Variants in AXDND1 observed in about 807,000 individuals in gnomAD.
AXDND1 encodes the protein axonemal dynein light chain domain containing 1, also known as axonemal dynein light chain domain-containing protein 1.
AXDND1 carries 110 observed loss-of-function variants against 137.5 expected under a neutral mutation model. That is an observed-to-expected ratio of 0.80 (90% CI 0.69 to 0.94). The LOEUF is 0.94. AXDND1 is among the 40% of genes least tolerant of loss of function. AXDND1 has a pLI of 0.00. For synonymous variants in AXDND1, 414 were observed against 399.7 expected (o/e 1.04, Z -0.43); for missense variants, 1,191 against 1,169.8 (o/e 1.02, Z -0.26).
At chr1:179,460,806 G>C (rs1316818813) in intron 16 of AXDND1, among the ~76,000 whole-genome samples, 2 of 152,216 alleles carry the variant, frequency 1.3e-5, no homozygotes, top group African/African-American at 4.8e-5. Flanking sequence ...GACCACTGAT[G>C]ATGAGCATTT....
chr1:179,466,282 C>CTTTTTTTTTTTT (rs1491121382), intron 16 of AXDND1, among the ~76,000 whole-genome samples: 6 of 95,652 alleles, frequency 6.3e-5, no homozygotes, highest in Non-Finnish European at 1.2e-4. Flanking sequence ...TCTTCTTCTT[C>CTTTTTTTTTTTT]TTCTTTTTTT....
At chr1:179,471,405 A>T (rs542220292) in intron 17 of AXDND1, among the ~76,000 whole-genome samples, 1 of 152,256 alleles carries the variant, frequency 6.6e-6, no homozygotes, top group East Asian at 1.9e-4. Context: ...GTCTATTTAT[A>T]TTGTCTATTT....
intron 21 of AXDND1, among the ~76,000 whole-genome samples, chr1:179,512,498 A>T (rs1330935728): frequency 6.6e-6 from 1 of 152,200 alleles, no homozygotes. Flanking sequence ...AGGTAGTGCG[A>T]TGCCTTCAGA....
chr1:179,533,287 T>C (rs979004665), intron 23 of AXDND1, among the ~76,000 whole-genome samples: 2 of 152,156 alleles, frequency 1.3e-5, no homozygotes, highest in South Asian at 4.1e-4. Flanking sequence ...GTTATCTTTT[T>C]TCTATATTTT....
chr1:179,433,714 T>G (rs373790044), intron 15 of AXDND1, among the ~76,000 whole-genome samples: 5 of 152,350 alleles, frequency 3.3e-5, no homozygotes, highest in African/African-American at 1.2e-4. Flanking sequence ...TTGATTGCAC[T>G]GTGGTCTGGG....
At chr1:179,394,981 G>T in intron 10 of AXDND1, 117 bp from the exon 11 acceptor site, 1 of 755,522 alleles carries the variant, frequency 1.3e-6, no homozygotes. Flanking sequence ...TGGAAAAACT[G>T]GGAAGGGAGG....
At chr1:179,423,596 T>C (rs567567620) in intron 12 of AXDND1, among the ~76,000 whole-genome samples, 12 of 152,304 alleles carry the variant, frequency 7.9e-5, no homozygotes, top group African/African-American at 1.4e-4. Context: ...GAATCTGTTA[T>C]AGGTTTTTGC....
chr1:179,515,182 T>C (rs1669418534), intron 21 of AXDND1, among the ~76,000 whole-genome samples: 1 of 152,166 alleles, frequency 6.6e-6, no homozygotes, highest in South Asian at 2.1e-4. Flanking sequence ...ATAAGTCCTG[T>C]GTGATTTATG....
intron 4 of AXDND1, among the ~76,000 whole-genome samples, chr1:179,372,529 A>G (rs1174035203): frequency 1.3e-5 from 2 of 152,202 alleles, no homozygotes; most frequent in East Asian, 3.8e-4. Context: ...CTTAAAGACA[A>G]ATAAATAAAA....
intron 21 of AXDND1, among the ~76,000 whole-genome samples, chr1:179,524,150 A>G (rs1034694296): frequency 2.0e-5 from 3 of 152,174 alleles, no homozygotes; most frequent in Non-Finnish European, 2.9e-5. Flanking sequence ...TGCTATAAAC[A>G]TGCATGTAAA....
intron 9 of AXDND1, among the ~76,000 whole-genome samples, chr1:179,387,298 A>G (rs1325256697): frequency 6.6e-6 from 1 of 152,188 alleles, no homozygotes; most frequent in East Asian, 1.9e-4. Flanking sequence ...AGGTGCCATC[A>G]TCTGGTGAGA....
In AXDND1 at chr1:179,376,907, C is replaced by T. The variant is rs113434031; in HGVS notation, c.375-1730C>T. On this transcript the variant is annotated intron_variant, in intron 4 of 25. Transcript: ENST00000367618. ...GCACGTTAATGTACAATCCTATAACCCAGGGCACCCAAATTTAATAATGTA... is the reference window on the plus strand; with the variant it reads ...GCACGTTAATGTACAATCCTATAACTCAGGGCACCCAAATTTAATAATGTA... 4.0e-3 allele frequency among the ~76,000 whole-genome samples: 615 copies of T among 151,940 alleles called. 2 individuals carry two copies. The highest frequency in any genetic ancestry group is 0.014 in the African/African-American group (578 of 41,422).
intron 23 of AXDND1, among the ~76,000 whole-genome samples, chr1:179,530,795 A>G (rs528861453): frequency 1.3e-5 from 2 of 152,338 alleles, no homozygotes; most frequent in East Asian, 1.9e-4. Context: ...CTGGAAGCCA[A>G]GAAGAATCAC....
chr1:179,414,548 C>T (rs575182572), intron 12 of AXDND1, among the ~76,000 whole-genome samples: 1 of 152,252 alleles, frequency 6.6e-6, no homozygotes, highest in South Asian at 2.1e-4. Flanking sequence ...GCCTCAGCCT[C>T]CTGTGTAGCT....
intron 9 of AXDND1, among the ~76,000 whole-genome samples, chr1:179,392,187 C>T (rs1225009334): frequency 6.6e-6 from 1 of 152,236 alleles, no homozygotes; most frequent in Non-Finnish European, 1.5e-5. Flanking sequence ...TTCGCATCCT[C>T]ATAGCTTAGC....
At chr1:179,446,433 A>C (rs954633466) in intron 16 of AXDND1, among the ~76,000 whole-genome samples, 4 of 152,146 alleles carry the variant, frequency 2.6e-5, no homozygotes, top group Admixed American at 6.5e-5. Flanking sequence ...TGGTTCTCAA[A>C]CTTTAGTGTG....
intron 11 of AXDND1, among the ~76,000 whole-genome samples, chr1:179,398,937 C>T (rs1162597113): frequency 6.6e-6 from 1 of 152,186 alleles, no homozygotes; most frequent in Non-Finnish European, 1.5e-5. Flanking sequence ...GGTGTATGCA[C>T]ACATGCATGC....
chr1:179,408,968 C>CTTTTTTTTTTTTT (rs74384865), intron 11 of AXDND1, among the ~76,000 whole-genome samples: 23 of 126,380 alleles, frequency 1.8e-4, no homozygotes, highest in African/African-American at 4.6e-4. Context: ...TTTTTTCTTT[C>CTTTTTTTTTTTTT]TTTTTTTTTT....
chr1:179,478,342 G>T (rs1664885167), intron 17 of AXDND1, among the ~76,000 whole-genome samples: 1 of 152,186 alleles, frequency 6.6e-6, no homozygotes, highest in Non-Finnish European at 1.5e-5. Context: ...GCAAACTTCT[G>T]CCTGGACATC....
Sources: allele counts gnomAD v4.1 joint callset (sites outside exome capture counted in the v4.1 genomes callset), GRCh38; gene constraint gnomAD v4.1.1; transcripts MANE v1.5; gene names NCBI Gene and HGNC (gene_info 2026-07-23, HGNC 2026-07-21).